TNFSF12: variants seen among roughly 807,000 people sequenced by gnomAD.
TNFSF12 encodes the protein TNF superfamily member 12, also known as tumor necrosis factor ligand superfamily member 12.
Under a neutral mutation model 31.2 loss-of-function variants are expected in TNFSF12, and 16 were observed. That is an observed-to-expected ratio of 0.51 (90% CI 0.35 to 0.78). The LOEUF (loss-of-function observed/expected upper bound fraction) is 0.78, where lower values mean the gene tolerates loss of function less well. Ranked by LOEUF, TNFSF12 falls within the 30% of genes least tolerant of loss-of-function variation. The probability of loss-of-function intolerance (pLI) is 0.01; values close to 1 mark genes in which losing one functional copy is unlikely to be tolerated. For synonymous variants in TNFSF12, 150 were observed against 151.4 expected (o/e 0.99, Z 0.07); for missense variants, 324 against 338.8 (o/e 0.96, Z 0.34).
In TNFSF12 at chr17:7,553,023, C is replaced by CTTTCTTTTTTT. The variant is rs1567721053; in HGVS notation, c.373+2048_373+2049insCTTTTTTTTTT. On this transcript the variant is annotated intron_variant, in intron 5 of 6. Transcript: ENST00000293825. ...ATAAGGAACTGGAGGCAGGGACAAC[C>CTTTCTTTTTTT]TTTTTTTTTTTTTTTTTTTTTTTTT... Among the ~76,000 whole-genome samples, 40 of 66,100 alleles carry CTTTCTTTTTTT rather than the reference C, an allele frequency of 6.1e-4. 2 individuals carry two copies. The highest frequency in any genetic ancestry group is 1.9e-3 in the African/African-American group (26 of 13,848). 43.4% of individuals were successfully genotyped at this position (66,100 alleles called of 152,430 possible).
Position 7,550,056 on chromosome 17 carries a change from G to A in TNFSF12, c.208-64G>A. ...TGCTGGCTGGTGGCTCTCCTGACAG[G>A]CCCCGTATGTCTCACTTTATATCTC... On this transcript the variant is annotated intron_variant, in intron 2 of 6. Coordinates refer to ENST00000293825, the MANE Select transcript of TNFSF12 (RefSeq NM_003809.3). This position sits in a 1 kb window ranked among gnomAD's most constrained non-coding sequence, Gnocchi z 4.4. 6.2e-7 allele frequency: 1 copy of A among 1,612,096 alleles called. No homozygotes were observed. Among genetic ancestry groups the A allele is most frequent in the Middle Eastern group, 1.7e-4 (1 of 6,046 alleles).
rs770564396 is a variant in TNFSF12, at chr17:7,556,930, C to T, written c.498+28C>T. 36 of 1,525,634 alleles carry T rather than the reference C, an allele frequency of 2.4e-5. 1 individual carries two copies. The highest frequency in any genetic ancestry group is 1.8e-4 in the Middle Eastern group (1 of 5,612). 94.5% of individuals were successfully genotyped at this position (1,525,634 alleles called of 1,614,324 possible). On this transcript the variant is annotated intron_variant, in intron 6 of 6. Coordinates refer to ENST00000293825, the MANE Select transcript of TNFSF12 (RefSeq NM_003809.3). ...AAGCCCCATCTGGCTGCATGGGTAA[C>T]GCAGTAAGAGAGTGGCGAAGGGTTT...
At chr17:7,553,404 T>C (rs2071023867) in intron 5 of TNFSF12, among the ~76,000 whole-genome samples, 1 of 152,056 alleles carries the variant, frequency 6.6e-6, no homozygotes, top group Admixed American at 6.6e-5. Flanking sequence ...AATAGGCCAG[T>C]AGGTGGAGGG....
At chr17:7,554,420 T>C (rs917959769) in intron 5 of TNFSF12, among the ~76,000 whole-genome samples, 6 of 150,110 alleles carry the variant, frequency 4.0e-5, no homozygotes, top group African/African-American at 1.5e-4. Flanking sequence ...TTCATGCCAT[T>C]CTCCTGCCTC....
chr17:7,554,104 T>C (rs11654281), intron 5 of TNFSF12, among the ~76,000 whole-genome samples: 137,750 of 152,120 alleles, frequency 0.91, 62,769 homozygotes, highest in Middle Eastern at 0.96. Flanking sequence ...AGCCTTTGCT[T>C]AGGCTGGCTT....
intron 5 of TNFSF12, among the ~76,000 whole-genome samples, chr17:7,555,982 G>GTTTTTTTTTTTTTTT (rs1167470187): frequency 5.1e-5 from 6 of 117,764 alleles, no homozygotes; most frequent in Non-Finnish European, 8.6e-5. Flanking sequence ...CGTTTTTTTT[G>GTTTTTTTTTTTTTTT]TTTTTTTTTT....
chr17:7,550,136 C>G lies in TNFSF12; in HGVS notation c.224C>G (p.Thr75Arg), dbSNP rs1422535117. 2 of 1,614,118 alleles carry G rather than the reference C, an allele frequency of 1.2e-6. No individual in the cohort carries two copies. Among genetic ancestry groups the G allele is most frequent in the Non-Finnish European group, 1.7e-6 (2 of 1,180,022 alleles). The stretch of plus-strand genomic sequence containing the variant: ...TTCCCCTAGGAACTGAATCCCCAGA[C>G]AGAAGAAAGCCAGGATCCTGCGCCT... ...DQDPSELNPQ[T>R]EESQDPAPFL... is the part of the protein sequence containing the mutation. Residue 75 changes from threonine to arginine, a missense_variant, in exon 3 of 7, where the codon ACA (threonine) becomes AGA (arginine). Thr to Arg is a moderately conservative substitution (Grantham distance 71). Coordinates refer to ENST00000293825, the MANE Select transcript of TNFSF12 (RefSeq NM_003809.3). The surrounding 1 kb of genome is among the most constrained non-coding windows in gnomAD (Gnocchi z 4.4).
chr17:7,557,397 G>T lies in TNFSF12; in HGVS notation c.*47G>T. The stretch of plus-strand genomic sequence containing the variant: ...TCGTCCCAGGCTGCCGGCTCCCCTC[G>T]ACAGCTCTCTGGGCACCCGGTCCCC... On this transcript the variant is annotated 3_prime_UTR_variant, in exon 7 of 7. Transcript: ENST00000293825. The surrounding 1 kb of genome is among the most constrained non-coding windows in gnomAD (Gnocchi z 5.2). 1 of 1,535,794 alleles carries T rather than the reference G, an allele frequency of 6.5e-7. No homozygotes were observed.
chr17:7,550,095 T>G lies in TNFSF12; in HGVS notation c.208-25T>G. The G allele has an allele frequency of 6.2e-7, 1 of 1,613,940 alleles. No individual in the cohort carries two copies. The highest frequency in any genetic ancestry group is 8.5e-7 in the Non-Finnish European group (1 of 1,179,960). On this transcript the variant is annotated intron_variant, in intron 2 of 6. Coordinates refer to ENST00000293825, the MANE Select transcript of TNFSF12 (RefSeq NM_003809.3). The surrounding 1 kb of genome is among the most constrained non-coding windows in gnomAD (Gnocchi z 4.4). ...ACTTTATATCTCTGGGAGTCTGTGG[T>G]TGAACCCTGCCCTAATTCCCCTAGG...
At chr17:7,551,285 T>C (rs1216091804) in intron 5 of TNFSF12, among the ~76,000 whole-genome samples, 1 of 152,128 alleles carries the variant, frequency 6.6e-6, no homozygotes, top group African/African-American at 2.4e-5. Flanking sequence ...TGATGATCTT[T>C]TTCTCTAAAT....
rs71159509 is a variant in TNFSF12, at chr17:7,553,023, C to CTTTTTTTTTTTTTTTT, written c.373+2069_373+2084dup. ...ATAAGGAACTGGAGGCAGGGACAAC[C>CTTTTTTTTTTTTTTTT]TTTTTTTTTTTTTTTTTTTTTTTTT... is the stretch of plus-strand genomic sequence containing the variant. On this transcript the variant is annotated intron_variant, in intron 5 of 6. Coordinates refer to ENST00000293825, the MANE Select transcript of TNFSF12 (RefSeq NM_003809.3). Among the ~76,000 whole-genome samples, 3 of 66,054 alleles carry CTTTTTTTTTTTTTTTT rather than the reference C, an allele frequency of 4.5e-5. 1 individual carries two copies. The highest frequency in any genetic ancestry group is 1.4e-4 in the African/African-American group (2 of 13,816). 43.3% of individuals were successfully genotyped at this position (66,054 alleles called of 152,430 possible). A position where few individuals can be genotyped will look rare whatever the true frequency, so the allele number is the denominator to read the frequency against.
At chr17:7,554,897 G>A (rs12603970) in intron 5 of TNFSF12, among the ~76,000 whole-genome samples, 138,196 of 151,366 alleles carry the variant, frequency 0.91, 63,352 homozygotes, top group Middle Eastern at 0.97. Flanking sequence ...GATTACAGGC[G>A]TGAGCCACTG....
chr17:7,553,755 G>T, intron 5 of TNFSF12: 1 of 1,225,658 alleles, frequency 8.2e-7, no homozygotes. Context: ...AGGGGAGAGG[G>T]AAGTTTCCAG....
rs769357754 is a variant in TNFSF12, at chr17:7,557,367, C to T, written c.*17C>T. The stretch of plus-strand genomic sequence containing the variant: ...GTTCACTGAGGGGCCCTGGTCTCCC[C>T]GCAGTCGTCCCAGGCTGCCGGCTCC... On this transcript the variant is annotated 3_prime_UTR_variant, in exon 7 of 7. Transcript: ENST00000293825. The surrounding 1 kb of genome is among the most constrained non-coding windows in gnomAD (Gnocchi z 5.2). 19 of 1,566,270 alleles carry T rather than the reference C, an allele frequency of 1.2e-5. No homozygotes were observed. The highest frequency in any genetic ancestry group is 4.1e-5 in the African/African-American group (3 of 73,832).
intron 5 of TNFSF12, among the ~76,000 whole-genome samples, chr17:7,554,140 C>T (rs572378470): frequency 6.6e-6 from 1 of 152,266 alleles, no homozygotes; most frequent in Admixed American, 6.5e-5. Context: ...CCTCTCTTCT[C>T]TGCCCTCCCT....
intron 5 of TNFSF12, among the ~76,000 whole-genome samples, chr17:7,555,973 G>GTTTTTTTTTTTTCTTTT (rs59248137): frequency 1.4e-5 from 1 of 70,878 alleles, no homozygotes; most frequent in Non-Finnish European, 2.6e-5. Flanking sequence ...CCCAGTGAGC[G>GTTTTTTTTTTTTCTTTT]TTTTTTTTGT....
chr17:7,557,140 C>A lies in TNFSF12; in HGVS notation c.540C>A (p.Asp180Glu). Residue 180 changes from aspartate (D) to glutamate (E), a missense_variant, in exon 7 of 7, where the codon GAC becomes GAA. Coordinates refer to ENST00000293825, the MANE Select transcript of TNFSF12 (RefSeq NM_003809.3). This position sits in a 1 kb window ranked among gnomAD's most constrained non-coding sequence, Gnocchi z 5.2. ...DEGKAVYLKL[D>E]LLVDGVLALR... ...GGAAGGCTGTCTACCTGAAGCTGGA[C>A]TTGCTGGTGGATGGTGTGCTGGCCC... 6.2e-7 allele frequency: 1 copy of A among 1,613,824 alleles called. No homozygotes were observed. The highest frequency in any genetic ancestry group is 8.5e-7 in the Non-Finnish European group (1 of 1,179,912).
At position 7,550,732 on chromosome 17, in the gene TNFSF12, C is replaced by T. The variant is rs2070991254; in HGVS notation, c.284-67C>T. 1.3e-6 allele frequency: 2 copies of T among 1,576,088 alleles called. No individual in the cohort carries two copies. The highest frequency in any genetic ancestry group is 3.4e-5 in the Admixed American group (2 of 58,360). On this transcript the variant is annotated intron_variant, in intron 3 of 6. Transcript: ENST00000293825. The surrounding 1 kb of genome is among the most constrained non-coding windows in gnomAD (Gnocchi z 4.4). ...CAGGGTTCCTGAGAGGGGAATGGGG[C>T]TGGGAGAGTTGCTCTGGGACCCCCA... is the stretch of plus-strand genomic sequence containing the variant.
intron 5 of TNFSF12, among the ~76,000 whole-genome samples, chr17:7,554,017 G>T (rs926913033): frequency 6.6e-6 from 1 of 152,312 alleles, no homozygotes. Context: ...TCCAGGTGAG[G>T]TTTGTGGCTG....
Sources: gnomAD v4.1 joint callset for allele counts (sites outside exome capture counted in the v4.1 genomes callset) on GRCh38, gnomAD v4.1.1 for gene constraint, Gnocchi (gnomAD v3.1) non-coding constraint, MANE v1.5 for transcripts, NCBI Gene and HGNC (gene_info 2026-07-23, HGNC 2026-07-21) for gene names.